Variants in ADAMTS2 observed in about 807,000 individuals in gnomAD.
The protein encoded by ADAMTS2 is A disintegrin and metalloproteinase with thrombospondin motifs 2.
In ADAMTS2, 50 loss-of-function variants were observed where a neutral mutation model predicts 123.0. That is an observed-to-expected ratio of 0.41 (90% CI 0.32 to 0.51). The LOEUF (loss-of-function observed/expected upper bound fraction) is 0.51. Ranked by LOEUF, ADAMTS2 falls within the 20% of genes least tolerant of loss-of-function variation. The pLI is 0.35. For synonymous variants in ADAMTS2, 678 were observed against 695.4 expected (o/e 0.98, Z 0.39); for missense variants, 1,494 against 1,705.2 (o/e 0.88, Z 2.18).
chr5:179,253,920 G>A (rs777518836), intron 3 of ADAMTS2, among the ~76,000 whole-genome samples: 26 of 152,324 alleles, frequency 1.7e-4, no homozygotes, highest in Non-Finnish European at 3.4e-4. Context: ...GCTGGGAGCT[G>A]TGGTTCCTGC....
chr5:179,172,402 G>A (rs1210490433), intron 5 of ADAMTS2, among the ~76,000 whole-genome samples: 1 of 152,232 alleles, frequency 6.6e-6, no homozygotes, highest in African/African-American at 2.4e-5. Context: ...AGGGGTGGGG[G>A]TCCCAGCAAA....
rs1401491775 is a variant in ADAMTS2, at chr5:179,262,793, T to A, written c.688+10118A>T. Among the ~76,000 whole-genome samples the A allele has an allele frequency of 1.3e-5, 2 of 152,268 alleles. No individual in the cohort carries two copies. Among genetic ancestry groups the A allele is most frequent in the Non-Finnish European group, 2.9e-5 (2 of 68,038 alleles). On this transcript the variant is annotated intron_variant, in intron 3 of 21. Transcript: ENST00000251582. This position sits in a 1 kb window ranked among gnomAD's most constrained non-coding sequence, Gnocchi z 5.9. ...GCTCACCAGGTCTCCCCTGCGGGGC[T>A]GTGAGCCCAGAGAACAGGGACTCGA...
chr5:179,223,811 TG>T (rs1422604735), intron 3 of ADAMTS2, among the ~76,000 whole-genome samples: 1 of 151,472 alleles, frequency 6.6e-6, no homozygotes, highest in African/African-American at 2.4e-5. Flanking sequence ...TGTGTGCATA[TG>T]TGACATGCAC....
At chr5:179,222,939 C>G (rs948394476) in intron 3 of ADAMTS2, among the ~76,000 whole-genome samples, 2 of 152,224 alleles carry the variant, frequency 1.3e-5, no homozygotes, top group Admixed American at 1.3e-4. Context: ...CCACTTTCTG[C>G]CAGGCAACCC....
chr5:179,147,684 C>T (rs759878775), intron 10 of ADAMTS2, among the ~76,000 whole-genome samples: 11 of 152,156 alleles, frequency 7.2e-5, no homozygotes, highest in Non-Finnish European at 1.0e-4. Flanking sequence ...CAGACACAAT[C>T]ATTTAACTCT....
At chr5:179,178,030 G>A (rs988014511) in intron 5 of ADAMTS2, among the ~76,000 whole-genome samples, 1 of 152,202 alleles carries the variant, frequency 6.6e-6, no homozygotes, top group African/African-American at 2.4e-5. Context: ...CAATCAATGG[G>A]ATAATCTTTT....
At chr5:179,131,642 G>C (rs1481002645) in intron 15 of ADAMTS2, among the ~76,000 whole-genome samples, 1 of 152,186 alleles carries the variant, frequency 6.6e-6, no homozygotes, top group East Asian at 1.9e-4. Context: ...GACAGGTCCT[G>C]AGAGCCTCCC....
In ADAMTS2 at chr5:179,345,421, G is replaced by T. The variant is rs966259707; in HGVS notation, c.-93C>A. 1.9e-6 allele frequency: 2 copies of T among 1,026,048 alleles called. No homozygotes were observed. Among genetic ancestry groups the T allele is most frequent in the African/African-American group, 1.7e-5 (1 of 57,800 alleles). The allele number at this position is 1,026,048 out of a possible 1,614,324, so 63.6% of individuals were successfully genotyped here. On this transcript the variant is annotated 5_prime_UTR_variant, in exon 1 of 22. Transcript: ENST00000251582. The surrounding 1 kb of genome is among the most constrained non-coding windows in gnomAD (Gnocchi z 7.5). Reference sequence around the variant, plus strand: ...CCCACATCTGGGGGCAGCTGGAGCCGCCCGCAGCTGCAGCACCGCAGGGCG... The same window carrying T: ...CCCACATCTGGGGGCAGCTGGAGCCTCCCGCAGCTGCAGCACCGCAGGGCG...
intron 2 of ADAMTS2, among the ~76,000 whole-genome samples, chr5:179,294,560 G>A (rs189593340): frequency 3.6e-4 from 55 of 152,316 alleles, no homozygotes; most frequent in African/African-American, 1.2e-3. Flanking sequence ...GTGGAGGTCC[G>A]GAATGGTGGT....
rs550142231 is a variant in ADAMTS2 at position 179,345,039 on chromosome 5, C to T, written c.139+151G>A. On this transcript the variant is annotated intron_variant, in intron 1 of 21. Transcript: ENST00000251582. The surrounding 1 kb of genome is among the most constrained non-coding windows in gnomAD (Gnocchi z 7.5). ...CGGGGCGCCCCCTGCGCGACCAACC[C>T]GGCCCCGAAGTTGGCCAACTTGGCC... 4.6e-4 allele frequency: 230 copies of T among 501,488 alleles called. No individual in the cohort carries two copies. The highest frequency in any genetic ancestry group is 4.5e-3 in the African/African-American group (217 of 48,138). 31.1% of individuals were successfully genotyped at this position (501,488 alleles called of 1,614,324 possible). A position where few individuals can be genotyped will look rare whatever the true frequency, so the allele number is the denominator to read the frequency against.
intron 10 of ADAMTS2, among the ~76,000 whole-genome samples, chr5:179,150,732 A>G (rs1281146474): frequency 2.0e-5 from 3 of 152,218 alleles, no homozygotes. Context: ...CTATAGAGAC[A>G]GAAAGCAGGT....
intron 3 of ADAMTS2, among the ~76,000 whole-genome samples, chr5:179,244,156 C>T (rs779688698): frequency 8.6e-5 from 13 of 152,046 alleles, no homozygotes; most frequent in Non-Finnish European, 1.9e-4. Flanking sequence ...CATTAACCTA[C>T]GTGTCCGAGA....
intron 3 of ADAMTS2, among the ~76,000 whole-genome samples, chr5:179,226,462 A>G (rs1456687761): frequency 4.7e-5 from 7 of 149,570 alleles, no homozygotes; most frequent in Non-Finnish European, 5.9e-5. Flanking sequence ...TTTTTAGTAG[A>G]GACAGGATTT....
intron 3 of ADAMTS2, among the ~76,000 whole-genome samples, chr5:179,237,437 C>T (rs1376366791): frequency 6.6e-6 from 1 of 152,186 alleles, no homozygotes; most frequent in Non-Finnish European, 1.5e-5. Context: ...TTCCCAGCCT[C>T]CAGAACCATG....
At chr5:179,148,545 T>C (rs1475170459) in intron 10 of ADAMTS2, among the ~76,000 whole-genome samples, 1 of 152,122 alleles carries the variant, frequency 6.6e-6, no homozygotes, top group African/African-American at 2.4e-5. Flanking sequence ...CTCCCCACGG[T>C]GCTGGCCCTG....
chr5:179,160,462 A>C (rs116764796), intron 5 of ADAMTS2, among the ~76,000 whole-genome samples: 4,695 of 152,280 alleles, frequency 0.031, 253 homozygotes, highest in African/African-American at 0.11. Context: ...AAACAAAACA[A>C]AACAAACAAC....
chr5:179,257,625 C>T (rs572209852), intron 3 of ADAMTS2, among the ~76,000 whole-genome samples: 3 of 152,212 alleles, frequency 2.0e-5, no homozygotes, highest in Non-Finnish European at 4.4e-5. Flanking sequence ...AACAACAGGA[C>T]GACCGCAGGT....
At chr5:179,190,364 G>A (rs1446876064) in intron 4 of ADAMTS2, among the ~76,000 whole-genome samples, 2 of 152,138 alleles carry the variant, frequency 1.3e-5, no homozygotes, top group Admixed American at 6.5e-5. Context: ...GTTGTTAGAA[G>A]GAGCATTTGT....
At chr5:179,153,139 C>T (rs909548033) in intron 9 of ADAMTS2, among the ~76,000 whole-genome samples, 2 of 152,140 alleles carry the variant, frequency 1.3e-5, no homozygotes, top group African/African-American at 4.8e-5. Flanking sequence ...CCTCTGCGTC[C>T]GTGGCCCTCC....
Sources: gnomAD v4.1 joint callset for allele counts (sites outside exome capture counted in the v4.1 genomes callset) on GRCh38, gnomAD v4.1.1 for gene constraint, Gnocchi (gnomAD v3.1) non-coding constraint, MANE v1.5 for transcripts, NCBI Gene and HGNC (gene_info 2026-07-23, HGNC 2026-07-21) for gene names.